The following NAP1L1 variants were observed in gnomAD, a reference collection of about 807,000 sequenced individuals.
NAP1L1 encodes nucleosome assembly protein 1-like 1.
A neutral mutation model predicts 58.9 loss-of-function variants in NAP1L1; 9 were observed. The observed-to-expected ratio is 0.15, with a 90% confidence interval of 0.09 to 0.27. NAP1L1 has a LOEUF of 0.27. Ranked by LOEUF, NAP1L1 falls within the 10% of genes least tolerant of loss-of-function variation. The probability of loss-of-function intolerance (pLI) is 1.00; values close to 1 mark genes in which losing one functional copy is unlikely to be tolerated. For synonymous variants in NAP1L1, 130 were observed against 138.3 expected (o/e 0.94, Z 0.42); for missense variants, 302 against 458.8 (o/e 0.66, Z 3.12).
intron 2 of NAP1L1, among the ~76,000 whole-genome samples, chr12:76,071,747 T>C (rs1386377168): frequency 1.3e-5 from 2 of 152,160 alleles, no homozygotes; most frequent in East Asian, 3.9e-4. Context: ...TCATTAGATC[T>C]TCTCTACACT....
At position 76,044,479 on chromosome 12, in the gene NAP1L1, AATC is replaced by A. The variant is rs757019719; in HGVS notation, c.*3947_*3949del. Reference sequence around the variant, plus strand: ...CCAGACTGACTTATTTCCCGCCAGTAATCTATTATTTCTAAATACCCCATTTCT... The same window carrying A: ...CCAGACTGACTTATTTCCCGCCAGTATATTATTTCTAAATACCCCATTTCT... On this transcript the variant is annotated 3_prime_UTR_variant, in exon 15 of 15. Transcript: ENST00000618691. 2.0e-5 allele frequency: 3 copies of A among 152,212 alleles called. No individual in the cohort carries two copies. Among genetic ancestry groups the A allele is most frequent in the Admixed American group, 6.5e-5 (1 of 15,278 alleles). 9.4% of individuals were successfully genotyped at this position (152,212 alleles called of 1,614,324 possible).
Position 76,048,118 on chromosome 12 carries a change from TATTTCC to T in NAP1L1, c.*305_*310del. 3.2e-6 allele frequency: 1 copy of T among 315,870 alleles called. No homozygotes were observed. Among genetic ancestry groups the T allele is most frequent in the Non-Finnish European group, 5.7e-6 (1 of 175,444 alleles). 19.6% of individuals were successfully genotyped at this position (315,870 alleles called of 1,614,324 possible). A position where few individuals can be genotyped will look rare whatever the true frequency, so the allele number is the denominator to read the frequency against. ...AAAAATTACAAAAAAAAAAAAAAGG[TATTTCC>T]TTTAACAGTTGTTAATTTTCATAGC... On this transcript the variant is annotated 3_prime_UTR_variant, in exon 15 of 15. Transcript: ENST00000618691.
At chr12:76,054,807 T>C (rs1339459230) in intron 8 of NAP1L1, among the ~76,000 whole-genome samples, 1 of 152,148 alleles carries the variant, frequency 6.6e-6, no homozygotes, top group African/African-American at 2.4e-5. Context: ...TATCCACTTA[T>C]CCAGGAACAA....
chr12:76,066,874 T>A (rs572425982), intron 4 of NAP1L1, among the ~76,000 whole-genome samples: 4 of 152,160 alleles, frequency 2.6e-5, no homozygotes, highest in South Asian at 4.1e-4. Flanking sequence ...TGTTGATAAA[T>A]AAGTCCATCA....
chr12:76,081,078 C>A (rs1012466406), intron 1 of NAP1L1, among the ~76,000 whole-genome samples: 4 of 150,566 alleles, frequency 2.7e-5, no homozygotes, highest in African/African-American at 7.3e-5. Context: ...GAAATAAATT[C>A]TTTTTTTTTA....
chr12:76,067,062 T>C (rs1264588465), intron 4 of NAP1L1, among the ~76,000 whole-genome samples: 1 of 152,128 alleles, frequency 6.6e-6, no homozygotes, highest in Non-Finnish European at 1.5e-5. Context: ...ATGATTTATG[T>C]CATCAGTGAA....
At chr12:76,060,982 A>T in intron 4 of NAP1L1, 1 of 386,650 alleles carries the variant, frequency 2.6e-6, no homozygotes, top group South Asian at 1.9e-5. Context: ...GGTCCCAGCC[A>T]CTTGGAAGGC....
rs1019825955 is a variant in NAP1L1, at chr12:76,038,831, A to G, written c.*9598T>C. 2 of 152,176 alleles carry G rather than the reference A, an allele frequency of 1.3e-5. No homozygotes were observed. The highest frequency in any genetic ancestry group is 4.8e-5 in the African/African-American group (2 of 41,434). The allele number at this position is 152,176 out of a possible 1,614,324, so 9.4% of individuals were successfully genotyped here. On this transcript the variant is annotated 3_prime_UTR_variant, in exon 15 of 15. Transcript: ENST00000618691. The stretch of plus-strand genomic sequence containing the variant: ...CTACCTAAGTAAATCATTGTTGAGT[A>G]ACAATGAGCACCCCTTAAACATGTC...
At chr12:76,077,483 ACT>A (rs1950221516) in intron 1 of NAP1L1, among the ~76,000 whole-genome samples, 1 of 152,142 alleles carries the variant, frequency 6.6e-6, no homozygotes, top group Non-Finnish European at 1.5e-5. Flanking sequence ...TAAACAAGAA[ACT>A]CAGCTTCTGA....
At position 76,043,671 on chromosome 12, in the gene NAP1L1, G is replaced by A. The variant is rs1948572376; in HGVS notation, c.*4758C>T. 6.6e-6 allele frequency: 1 copy of A among 151,938 alleles called. No homozygotes were observed. The highest frequency in any genetic ancestry group is 1.5e-5 in the Non-Finnish European group (1 of 68,006). The allele number at this position is 151,938 out of a possible 1,614,324, so 9.4% of individuals were successfully genotyped here. A position where few individuals can be genotyped will look rare whatever the true frequency, so the allele number is the denominator to read the frequency against. The stretch of plus-strand genomic sequence containing the variant: ...CAATTCCTTGAATGTAGCCTCAATT[G>A]TTCTGTTCTGGGACCTTTGCCTGTA... On this transcript the variant is annotated 3_prime_UTR_variant, in exon 15 of 15. Coordinates refer to ENST00000618691, the MANE Select transcript of NAP1L1 (RefSeq NM_004537.7).
rs146949687 is a variant in NAP1L1, at chr12:76,061,103, A to G, written c.207-824T>C. On this transcript the variant is annotated intron_variant, in intron 4 of 14. Coordinates refer to ENST00000618691, the MANE Select transcript of NAP1L1 (RefSeq NM_004537.7). ...GAATGAGACCCTGTCTCAAAAATAA[A>G]TAACAGCTTTGATGAGATAAAGTTC... 766 of 403,982 alleles carry G rather than the reference A, an allele frequency of 1.9e-3. 3 individuals are homozygous for G. Among genetic ancestry groups the G allele is most frequent in the African/African-American group, 0.014 (683 of 47,828 alleles). 25.0% of individuals were successfully genotyped at this position (403,982 alleles called of 1,614,324 possible). A position where few individuals can be genotyped will look rare whatever the true frequency, so the allele number is the denominator to read the frequency against.
Position 76,050,629 on chromosome 12 carries a change from C to G in NAP1L1, c.961G>C (p.Ala321Pro). The change falls in exon 12 of 15, where the codon GCT (alanine) becomes CCT (proline). Residue 321 changes from alanine (A) to proline (P), a missense_variant. Coordinates refer to ENST00000618691, the MANE Select transcript of NAP1L1 (RefSeq NM_004537.7). ...AAGTGACCAATTTCGAAGTCTGCAG[C>G]AAGGATAGCTTCAGCATCATCATCC... is the stretch of plus-strand genomic sequence containing the variant. ...DLDDDAEAIL[A>P]ADFEIGHFLR... is the part of the protein sequence containing the mutation. The G allele has an allele frequency of 1.2e-6, 2 of 1,611,060 alleles. No homozygotes were observed. Among genetic ancestry groups the G allele is most frequent in the Non-Finnish European group, 1.7e-6 (2 of 1,179,204 alleles).
chr12:76,053,703 G>T, intron 9 of NAP1L1, 67 bp downstream of exon 9: 1 of 1,531,200 alleles, frequency 6.5e-7, no homozygotes, highest in Non-Finnish European at 8.9e-7. Flanking sequence ...GAAAATAACC[G>T]AGTATACAAA....
At chr12:76,074,711 C>A (rs1488703147) in intron 1 of NAP1L1, among the ~76,000 whole-genome samples, 1 of 152,096 alleles carries the variant, frequency 6.6e-6, no homozygotes, top group Non-Finnish European at 1.5e-5. Context: ...TTTAAGAAAA[C>A]CAAAATCTGA....
At chr12:76,075,863 C>T (rs1020051273) in intron 1 of NAP1L1, among the ~76,000 whole-genome samples, 1 of 151,956 alleles carries the variant, frequency 6.6e-6, no homozygotes, top group African/African-American at 2.4e-5. Context: ...ATATCAAAAG[C>T]CTTAAACATG....
chr12:76,077,845 G>A (rs773055692), intron 1 of NAP1L1, among the ~76,000 whole-genome samples: 4 of 151,634 alleles, frequency 2.6e-5, no homozygotes, highest in South Asian at 4.2e-4. Context: ...TTAGCCGGGC[G>A]TGGTTGCACA....
At position 76,039,726 on chromosome 12, in the gene NAP1L1, A is replaced by G. The variant is rs1447545148; in HGVS notation, c.*8703T>C. The G allele has an allele frequency of 6.6e-6, 1 of 152,178 alleles. No homozygotes were observed. The highest frequency in any genetic ancestry group is 1.5e-5 in the Non-Finnish European group (1 of 68,030). 9.4% of individuals were successfully genotyped at this position (152,178 alleles called of 1,614,324 possible). ...GGCTCCAACACAACTCAACTGTGTC[A>G]TTGTTAAAGTTACTTAACTTCCATC... On this transcript the variant is annotated 3_prime_UTR_variant, in exon 15 of 15. Transcript: ENST00000618691.
At chr12:76,059,522 T>C (rs11180817) in intron 6 of NAP1L1, 122,128 of 322,904 alleles carry the variant, frequency 0.38, 24,676 homozygotes, top group East Asian at 0.45. Flanking sequence ...GTGCTGCAAA[T>C]TGGAAATAAG....
chr12:76,064,097 A>G (rs1352205782), intron 4 of NAP1L1, among the ~76,000 whole-genome samples: 1 of 152,234 alleles, frequency 6.6e-6, no homozygotes, highest in Non-Finnish European at 1.5e-5. Flanking sequence ...GTGAGCCATG[A>G]GTGTGCCACT....
Sources: gnomAD v4.1 joint callset for allele counts (sites outside exome capture counted in the v4.1 genomes callset) on GRCh38, gnomAD v4.1.1 for gene constraint, MANE v1.5 for transcripts, NCBI Gene and HGNC (gene_info 2026-07-23, HGNC 2026-07-21) for gene names.